The following LPIN2 variants were observed in gnomAD, a reference collection of about 807,000 sequenced individuals.
LPIN2 encodes phosphatidate phosphatase LPIN2.
A neutral mutation model predicts 111.4 loss-of-function variants in LPIN2; 55 were observed. That is an observed-to-expected ratio of 0.49 (90% CI 0.40 to 0.62). The LOEUF (loss-of-function observed/expected upper bound fraction) is 0.62, where lower values mean the gene tolerates loss of function less well. Ranked by LOEUF, LPIN2 falls within the 20% of genes least tolerant of loss-of-function variation. The probability of loss-of-function intolerance (pLI) is 0.00; values close to 1 mark genes in which losing one functional copy is unlikely to be tolerated. For missense variants in LPIN2, 992 were observed against 1,112.1 expected, an observed-to-expected ratio of 0.89 and a Z score of 1.54; for synonymous variants, 425 against 414.0, an observed-to-expected ratio of 1.03 and a Z score of -0.32.
intron 12 of LPIN2, among the ~76,000 whole-genome samples, chr18:2,927,030 CATTT>C (rs2077142938): frequency 6.6e-6 from 1 of 152,152 alleles, no homozygotes; most frequent in Non-Finnish European, 1.5e-5. Context: ...AGAAGGAAAA[CATTT>C]TAAGAGCACC....
chr18:3,000,471 C>T (rs1203646760), intron 1 of LPIN2, among the ~76,000 whole-genome samples: 3 of 152,204 alleles, frequency 2.0e-5, no homozygotes, highest in African/African-American at 4.8e-5. Context: ...CAGAAACATG[C>T]TAATAATAGA....
intron 1 of LPIN2, among the ~76,000 whole-genome samples, chr18:3,012,614 G>T (rs1234392675): frequency 6.6e-6 from 1 of 152,186 alleles, no homozygotes; most frequent in Non-Finnish European, 1.5e-5. Flanking sequence ...CCGCCTCGCC[G>T]CAGATCACGT....
At chr18:2,950,897 C>T (rs961611237) in intron 4 of LPIN2, among the ~76,000 whole-genome samples, 158 bp downstream of exon 4, 3 of 152,140 alleles carry the variant, frequency 2.0e-5, no homozygotes, top group Non-Finnish European at 4.4e-5. Context: ...TTGAAAGGAA[C>T]AAAGAAACTG....
At chr18:2,945,906 T>C in intron 4 of LPIN2, 1 of 1,422,666 alleles carries the variant, frequency 7.0e-7, no homozygotes, top group Non-Finnish European at 9.9e-7. Flanking sequence ...GTTTCTCTTT[T>C]GTACAGCCCT....
chr18:2,975,550 TCTCGAA>T (rs1161661814), intron 1 of LPIN2, among the ~76,000 whole-genome samples: 2 of 152,196 alleles, frequency 1.3e-5, no homozygotes, highest in African/African-American at 4.8e-5. Context: ...GTCAAGCTGG[TCTCGAA>T]CTCCTCACCT....
rs539823611 is a variant in LPIN2, at chr18:2,925,156, G to A, written c.1938+68C>T. Reference sequence around the variant, plus strand: ...AGCTGGGGACGTGTGGACAGAAGAGGATGTGCATCAAATTAAACCATTACT... The same window carrying A: ...AGCTGGGGACGTGTGGACAGAAGAGAATGTGCATCAAATTAAACCATTACT... On this transcript the variant is annotated intron_variant, in intron 14 of 19. Transcript: ENST00000677752. The surrounding 1 kb of genome is among the most constrained non-coding windows in gnomAD (Gnocchi z 4.1). The A allele has an allele frequency of 4.1e-5, 64 of 1,575,350 alleles. 1 individual carries two copies. In the East Asian group the frequency reaches 1.4e-3, roughly 34 times the overall value.
chr18:2,928,185 G>GT (rs2144146513), intron 11 of LPIN2, among the ~76,000 whole-genome samples: 1 of 152,296 alleles, frequency 6.6e-6, no homozygotes, highest in South Asian at 2.1e-4. Flanking sequence ...TATATAACAG[G>GT]TATGTTAGCC....
chr18:2,982,625 G>T, intron 1 of LPIN2: 1 of 940,950 alleles, frequency 1.1e-6, no homozygotes, highest in Non-Finnish European at 1.5e-6. Flanking sequence ...TCCAGATTGA[G>T]CAAGCAGCGA....
At chr18:2,971,156 A>C (rs2143293030) in intron 1 of LPIN2, among the ~76,000 whole-genome samples, 1 of 152,312 alleles carries the variant, frequency 6.6e-6, no homozygotes, top group African/African-American at 2.4e-5. Context: ...CCCAGTCATC[A>C]GCCCAATAAT....
chr18:2,918,786 T>C lies in LPIN2; in HGVS notation c.*1507A>G, dbSNP rs766696277. The C allele has an allele frequency of 1.3e-5, 2 of 152,166 alleles. No individual in the cohort carries two copies. The highest frequency in any genetic ancestry group is 2.9e-5 in the Non-Finnish European group (2 of 68,046). 9.4% of individuals were successfully genotyped at this position (152,166 alleles called of 1,614,324 possible). A position where few individuals can be genotyped will look rare whatever the true frequency, so the allele number is the denominator to read the frequency against. ...CTGGAAAAATAACCACCCCTATTTC[T>C]CTATCTCTAGATCAGCATTATTTTA... On this transcript the variant is annotated 3_prime_UTR_variant, in exon 20 of 20. Coordinates refer to ENST00000677752, the MANE Select transcript of LPIN2 (RefSeq NM_001375808.2).
intron 4 of LPIN2, among the ~76,000 whole-genome samples, chr18:2,944,332 A>AATTTTTTTTTTTTTT (rs1568548486): frequency 9.4e-6 from 1 of 106,300 alleles, no homozygotes. Context: ...ATTTCCACAA[A>AATTTTTTTTTTTTTT]CTTTTTTTTT....
chr18:2,942,379 T>C (rs1441920278), intron 4 of LPIN2, among the ~76,000 whole-genome samples: 1 of 152,190 alleles, frequency 6.6e-6, no homozygotes, highest in Non-Finnish European at 1.5e-5. Context: ...GGTCTTTATT[T>C]GCCCACTCTG....
At chr18:2,994,977 C>T (rs1598607618) in intron 1 of LPIN2, among the ~76,000 whole-genome samples, 1 of 152,216 alleles carries the variant, frequency 6.6e-6, no homozygotes, top group East Asian at 1.9e-4. Flanking sequence ...TACCACAGCT[C>T]TCCCACTTGA....
intron 1 of LPIN2, chr18:2,966,917 AG>A (rs1216372630): frequency 6.6e-6 from 1 of 152,192 alleles, no homozygotes; most frequent in Admixed American, 6.5e-5. Context: ...GTATGCTAGG[AG>A]GGAAGAGAGA....
intron 4 of LPIN2, among the ~76,000 whole-genome samples, chr18:2,947,965 G>C (rs1449346039): frequency 6.6e-6 from 1 of 152,162 alleles, no homozygotes; most frequent in Non-Finnish European, 1.5e-5. Flanking sequence ...TATAGATTAA[G>C]AAACCAACGC....
chr18:2,921,160 T>C, intron 18 of LPIN2: 1 of 556,970 alleles, frequency 1.8e-6, no homozygotes, highest in South Asian at 2.0e-5. Flanking sequence ...TGAGGCCCGA[T>C]GGCCCTGCAG....
chr18:2,954,400 C>T (rs1038535320), intron 3 of LPIN2, 104 bp downstream of exon 3: 5 of 789,522 alleles, frequency 6.3e-6, no homozygotes, highest in Non-Finnish European at 1.1e-5. Context: ...CAACAACAGT[C>T]CTCTGTACAA....
At chr18:3,009,573 G>C (rs953669814) in intron 1 of LPIN2, among the ~76,000 whole-genome samples, 3 of 151,704 alleles carry the variant, frequency 2.0e-5, no homozygotes, top group African/African-American at 7.3e-5. Context: ...AGAGTAGCTG[G>C]GTCTACAGGC....
At chr18:2,922,254 CAAAA>C in intron 16 of LPIN2, 55 bp from the exon 17 acceptor site, 1 of 1,546,822 alleles carries the variant, frequency 6.5e-7, no homozygotes, top group Non-Finnish European at 8.8e-7. Context: ...GAAAAGAAAA[CAAAA>C]AACAAAAAAA....
Sources: gnomAD v4.1 joint callset for allele counts (sites outside exome capture counted in the v4.1 genomes callset) on GRCh38, gnomAD v4.1.1 for gene constraint, Gnocchi (gnomAD v3.1) non-coding constraint, MANE v1.5 for transcripts, NCBI Gene and HGNC (gene_info 2026-07-23, HGNC 2026-07-21) for gene names.